MAGI1: variants seen among roughly 807,000 people sequenced by gnomAD.
The protein encoded by MAGI1 is membrane-associated guanylate kinase, WW and PDZ domain-containing protein 1.
In MAGI1, 58 loss-of-function variants were observed where a neutral mutation model predicts 139.9. The observed-to-expected ratio is 0.41, with a 90% CI of 0.34 to 0.52. MAGI1 has a LOEUF of 0.52. MAGI1 is among the 20% of genes least tolerant of loss of function. The pLI, the probability that MAGI1 is intolerant of heterozygous loss-of-function variation, is 0.12. For missense variants in MAGI1, 1,874 were observed against 1,901.6 expected (o/e 0.99, Z 0.27); for synonymous variants, 812 against 737.9 (o/e 1.10, Z -1.63).
chr3:65,955,991 G>C (rs1043760522), intron 1 of MAGI1, among the ~76,000 whole-genome samples: 4 of 151,976 alleles, frequency 2.6e-5, no homozygotes, highest in African/African-American at 9.7e-5. Flanking sequence ...CAAATCCAGG[G>C]CAGCCCTGGG....
At chr3:65,976,386 T>C (rs2065266880) in intron 1 of MAGI1, among the ~76,000 whole-genome samples, 1 of 152,094 alleles carries the variant, frequency 6.6e-6, no homozygotes, top group South Asian at 2.1e-4. Context: ...CCCAGCACTG[T>C]GGGGAGACGG....
chr3:65,801,978 T>C (rs904389461), intron 1 of MAGI1, among the ~76,000 whole-genome samples: 1 of 152,088 alleles, frequency 6.6e-6, no homozygotes, highest in Admixed American at 6.6e-5. Context: ...TATTTTGAAC[T>C]GCACATGTTG....
At chr3:65,925,933 C>G (rs1312729808) in intron 1 of MAGI1, among the ~76,000 whole-genome samples, 1 of 152,198 alleles carries the variant, frequency 6.6e-6, no homozygotes, top group Non-Finnish European at 1.5e-5. Flanking sequence ...CTGCCTCAGC[C>G]TCCCAAAGTG....
intron 1 of MAGI1, chr3:65,914,176 C>G (rs1461790838): frequency 6.6e-6 from 1 of 152,168 alleles, no homozygotes; most frequent in Admixed American, 6.5e-5. Context: ...ATGACTACAT[C>G]CACAGGTCAG....
At chr3:65,984,430 G>A (rs1305325849) in intron 1 of MAGI1, among the ~76,000 whole-genome samples, 3 of 151,862 alleles carry the variant, frequency 2.0e-5, no homozygotes, top group Non-Finnish European at 4.4e-5. Flanking sequence ...GTGCTTCATG[G>A]AACTGTGATG....
At chr3:65,713,417 T>C (rs2031765090) in intron 1 of MAGI1, among the ~76,000 whole-genome samples, 1 of 151,954 alleles carries the variant, frequency 6.6e-6, no homozygotes, top group Admixed American at 6.6e-5. Context: ...TTTCCCCCTA[T>C]CAAGCTGCAA....
Position 65,354,408 on chromosome 3 carries a change from T to A in MAGI1, c.*1970A>T, listed in dbSNP as rs1940113246. On this transcript the variant is annotated 3_prime_UTR_variant, in exon 23 of 23. Transcript: ENST00000402939. Reference sequence around the variant, plus strand: ...CTAATGTTATGTATAAACCCATAAGTCAAATAAAGCTATGAACAATGTAAT... The same window carrying A: ...CTAATGTTATGTATAAACCCATAAGACAAATAAAGCTATGAACAATGTAAT... 2 of 152,624 alleles carry A rather than the reference T, an allele frequency of 1.3e-5. No homozygotes were observed. Among genetic ancestry groups the A allele is most frequent in the Non-Finnish European group, 2.9e-5 (2 of 68,038 alleles). 9.5% of individuals were successfully genotyped at this position (152,624 alleles called of 1,614,324 possible). A position where few individuals can be genotyped will look rare whatever the true frequency, so the allele number is the denominator to read the frequency against.
intron 2 of MAGI1, among the ~76,000 whole-genome samples, chr3:65,597,478 T>A (rs2082270060): frequency 6.7e-6 from 1 of 148,988 alleles, no homozygotes; most frequent in East Asian, 2.0e-4. Flanking sequence ...CCTCTCCCTA[T>A]CCACTGACCT....
chr3:65,638,597 A>ATTTTTTTTTTT lies in MAGI1; in HGVS notation c.314-16520_314-16510dup, dbSNP rs1173086138. ...AGGAGTGCGCCACCATGCTCTCCTG[A>ATTTTTTTTTTT]TTTTTTTTTTTTTTTTTTTTTTTTT... On this transcript the variant is annotated intron_variant, in intron 1 of 22. Transcript: ENST00000402939. Among the ~76,000 whole-genome samples the ATTTTTTTTTTT allele has an allele frequency of 9.8e-5, 4 of 40,998 alleles. 2 individuals are homozygous for ATTTTTTTTTTT. The highest frequency in any genetic ancestry group is 8.0e-4 in the Admixed American group (2 of 2,510). 26.9% of individuals were successfully genotyped at this position (40,998 alleles called of 152,430 possible). A position where few individuals can be genotyped will look rare whatever the true frequency, so the allele number is the denominator to read the frequency against.
intron 1 of MAGI1, among the ~76,000 whole-genome samples, chr3:65,829,359 G>C (rs778111379): frequency 1.4e-4 from 21 of 152,174 alleles, no homozygotes; most frequent in Non-Finnish European, 2.6e-4. Context: ...TACCCAGTGT[G>C]ATAGTATCAA....
intron 1 of MAGI1, among the ~76,000 whole-genome samples, chr3:65,999,002 G>A (rs1398158044): frequency 6.6e-6 from 1 of 152,102 alleles, no homozygotes; most frequent in Non-Finnish European, 1.5e-5. Context: ...TTACATTCTA[G>A]AAGTACCTTT....
At chr3:65,993,022 G>A (rs1419442046) in intron 1 of MAGI1, among the ~76,000 whole-genome samples, 2 of 151,680 alleles carry the variant, frequency 1.3e-5, no homozygotes, top group Non-Finnish European at 2.9e-5. Flanking sequence ...GTAGAGGCAG[G>A]GTCTCACTAT....
intron 1 of MAGI1, among the ~76,000 whole-genome samples, chr3:66,027,465 G>T (rs2068347583): frequency 2.0e-5 from 3 of 151,960 alleles, no homozygotes; most frequent in Admixed American, 2.0e-4. Context: ...GAACCACCAT[G>T]CCCCTGCTGT....
intron 1 of MAGI1, among the ~76,000 whole-genome samples, chr3:65,694,892 T>A (rs1437707218): frequency 6.6e-6 from 1 of 152,248 alleles, no homozygotes; most frequent in African/African-American, 2.4e-5. Flanking sequence ...TGGTTTTCTT[T>A]ACATTTTATT....
intron 1 of MAGI1, among the ~76,000 whole-genome samples, chr3:65,712,600 C>A (rs1267830477): frequency 6.6e-6 from 1 of 152,088 alleles, no homozygotes; most frequent in African/African-American, 2.4e-5. Context: ...ACAACCTCTG[C>A]CCCCAAGTTG....
rs557824666 is a variant in MAGI1 at position 66,015,670 on chromosome 3, T to C, written c.313+22326A>G. ...ACAATTAGATGATATTTTTTAAATATGCCAAAAAGTTTATAAGCAATAAAT... is the reference window on the plus strand; with the variant it reads ...ACAATTAGATGATATTTTTTAAATACGCCAAAAAGTTTATAAGCAATAAAT... On this transcript the variant is annotated intron_variant, in intron 1 of 22. Coordinates refer to ENST00000402939, the MANE Select transcript of MAGI1 (RefSeq NM_001033057.2). 2.0e-3 allele frequency among the ~76,000 whole-genome samples: 307 copies of C among 152,328 alleles called. 3 individuals carry two copies. The highest frequency in any genetic ancestry group is 3.5e-3 in the Non-Finnish European group (235 of 68,022).
At chr3:65,559,272 TAAATAATCCTAA>T (rs1478094658) in intron 2 of MAGI1, among the ~76,000 whole-genome samples, 1 of 152,226 alleles carries the variant, frequency 6.6e-6, no homozygotes, top group Admixed American at 6.5e-5. Flanking sequence ...ATTAGAGGAT[TAAATAATCCTAA>T]CAGTTTTCTT....
chr3:65,470,563 C>T (rs1950500424), intron 4 of MAGI1, 79 bp from the exon 5 acceptor site: 8 of 879,066 alleles, frequency 9.1e-6, no homozygotes, highest in East Asian at 4.8e-5. Flanking sequence ...ACCCCATACC[C>T]GGGAAGTATG....
intron 1 of MAGI1, among the ~76,000 whole-genome samples, chr3:65,891,314 G>A (rs2060736810): frequency 6.6e-6 from 1 of 151,942 alleles, no homozygotes; most frequent in South Asian, 2.1e-4. Context: ...TAAAGAATGA[G>A]ACAGATAACT....
Sources: allele counts gnomAD v4.1 joint callset (sites outside exome capture counted in the v4.1 genomes callset), GRCh38; gene constraint gnomAD v4.1.1; transcripts MANE v1.5; gene names NCBI Gene and HGNC (gene_info 2026-07-23, HGNC 2026-07-21).